The following FOCAD variants were observed in gnomAD, a reference collection of about 807,000 sequenced individuals.
The protein encoded by FOCAD is focadhesin.
A neutral mutation model predicts 225.6 loss-of-function variants in FOCAD; 198 were observed. The ratio of observed to expected loss-of-function variants is 0.88; its 90% CI spans 0.78 to 0.99. The LOEUF (loss-of-function observed/expected upper bound fraction) is 0.99. FOCAD is among the 50% of genes least tolerant of loss of function. FOCAD has a pLI of 0.00. For synonymous variants in FOCAD, 897 were observed against 755.0 expected, an observed-to-expected ratio of 1.19 and a Z score of -3.08; for missense variants, 2,713 against 2,123.6, an observed-to-expected ratio of 1.28 and a Z score of -5.46.
intron 22 of FOCAD, among the ~76,000 whole-genome samples, chr9:20,908,996 C>G (rs1334487875): frequency 6.6e-6 from 1 of 151,982 alleles, no homozygotes; most frequent in Non-Finnish European, 1.5e-5. Context: ...AAAGGATGTT[C>G]AAAATGCTAT....
intron 21 of FOCAD, among the ~76,000 whole-genome samples, chr9:20,900,205 A>G (rs1587548446): frequency 6.6e-6 from 1 of 151,898 alleles, no homozygotes; most frequent in African/African-American, 2.4e-5. Flanking sequence ...TTCTCCCTGG[A>G]TGAGAATGGC....
At chr9:20,679,319 TG>T (rs1822330404), upstream of FOCAD, among the ~76,000 whole-genome samples, 1 of 152,184 alleles carries the variant, frequency 6.6e-6, no homozygotes, top group Non-Finnish European at 1.5e-5. Flanking sequence ...CTTTCTGTGA[TG>T]TGCTGACACT....
chr9:20,690,906 A>ATTTTT (rs34441239), intron 1 of FOCAD, among the ~76,000 whole-genome samples: 1 of 141,280 alleles, frequency 7.1e-6, no homozygotes, highest in Non-Finnish European at 1.5e-5. Context: ...ACCTGTCAGC[A>ATTTTT]TTTTTTTTTT....
chr9:20,703,269 G>A (rs916569547), intron 1 of FOCAD, among the ~76,000 whole-genome samples: 19 of 152,130 alleles, frequency 1.2e-4, no homozygotes, highest in African/African-American at 4.3e-4. Context: ...CAAGTCAAGA[G>A]CACTTGAGGC....
chr9:20,656,812 C>T (rs1821494654), upstream of FOCAD, among the ~76,000 whole-genome samples: 1 of 152,100 alleles, frequency 6.6e-6, no homozygotes, highest in Non-Finnish European at 1.5e-5. Flanking sequence ...GAATTTGATC[C>T]TGTCATTATG....
chr9:20,817,043 T>G (rs1248024504), intron 11 of FOCAD, among the ~76,000 whole-genome samples: 2 of 152,148 alleles, frequency 1.3e-5, no homozygotes, highest in Non-Finnish European at 2.9e-5. Context: ...CTGGAACCAG[T>G]CCCTGTAGAT....
intron 15 of FOCAD, among the ~76,000 whole-genome samples, chr9:20,844,729 G>A (rs1440411974): frequency 6.6e-6 from 1 of 152,048 alleles, no homozygotes; most frequent in Non-Finnish European, 1.5e-5. Flanking sequence ...AGAGATCGAA[G>A]TCACTTTGGG....
intron 35 of FOCAD, chr9:20,957,473 C>CTTTTTTTTTTTTTTTTTTTTT (rs1434022347): frequency 2.0e-5 from 1 of 49,460 alleles, no homozygotes; most frequent in Admixed American, 2.1e-4. Context: ...AACATCTTTT[C>CTTTTTTTTTTTTTTTTTTTTT]TTTTCTTTTT....
chr9:20,659,440 A>AAGAAAGAAAGAC (rs71334544), intron 2 of FOCAD, among the ~76,000 whole-genome samples: 269 of 145,166 alleles, frequency 1.9e-3, no homozygotes, highest in African/African-American at 5.9e-3. Flanking sequence ...GAAAGAAAGA[A>AAGAAAGAAAGAC]AGACAGACAG....
chr9:20,814,750 AAGTTAC>A (rs1165750044), intron 11 of FOCAD, among the ~76,000 whole-genome samples: 2 of 152,096 alleles, frequency 1.3e-5, no homozygotes, highest in African/African-American at 4.8e-5. Flanking sequence ...AGCTGATAAC[AAGTTAC>A]ATAAACTTCA....
intron 10 of FOCAD, among the ~76,000 whole-genome samples, chr9:20,786,087 G>A (rs1210478015): frequency 6.6e-6 from 1 of 152,190 alleles, no homozygotes; most frequent in African/African-American, 2.4e-5. Context: ...GTGAAGGGTA[G>A]AGTTGGAATT....
chr9:20,764,194 T>G (rs7026167), intron 6 of FOCAD, among the ~76,000 whole-genome samples: 146,694 of 152,220 alleles, frequency 0.96, 70,721 homozygotes, highest in East Asian at 1. Flanking sequence ...TTCCAAAAAT[T>G]CATGTTTGTG....
intron 18 of FOCAD, among the ~76,000 whole-genome samples, chr9:20,870,196 T>G (rs1357861535): frequency 6.6e-6 from 1 of 152,194 alleles, no homozygotes; most frequent in Non-Finnish European, 1.5e-5. Flanking sequence ...AGAAATAATA[T>G]AAAAGAACTG....
intron 5 of FOCAD, among the ~76,000 whole-genome samples, chr9:20,756,208 G>C (rs1013925557): frequency 1.3e-5 from 2 of 152,136 alleles, no homozygotes; most frequent in Non-Finnish European, 2.9e-5. Flanking sequence ...AGCAATGGTA[G>C]CATTCCCGTC....
chr9:20,899,948 C>A (rs1396413302), intron 21 of FOCAD, among the ~76,000 whole-genome samples: 3 of 151,908 alleles, frequency 2.0e-5, no homozygotes, highest in Non-Finnish European at 4.4e-5. Flanking sequence ...GCCTCTCTCT[C>A]TGCTCCTCTG....
chr9:20,821,456 A>T (rs1405169524), intron 14 of FOCAD, among the ~76,000 whole-genome samples: 1 of 152,104 alleles, frequency 6.6e-6, no homozygotes, highest in Non-Finnish European at 1.5e-5. Context: ...GGAGATAAGT[A>T]GTTTTAATGG....
intron 15 of FOCAD, among the ~76,000 whole-genome samples, chr9:20,855,075 G>T (rs1828031830): frequency 6.6e-6 from 1 of 151,646 alleles, no homozygotes. Flanking sequence ...ATATCTGGAA[G>T]AATGCAAGCA....
At chr9:20,952,879 A>T in intron 34 of FOCAD, 106 bp from the exon 35 acceptor site, 1 of 840,010 alleles carries the variant, frequency 1.2e-6, no homozygotes, top group Non-Finnish European at 2.0e-6. Flanking sequence ...TGGCATAAAC[A>T]TCTCCACTTT....
intron 1 of FOCAD, among the ~76,000 whole-genome samples, chr9:20,710,229 A>ATTTTTTTTTTTTTTTTTTTTTTTTTTTT (rs749860355): frequency 9.8e-6 from 1 of 102,290 alleles, no homozygotes; most frequent in Non-Finnish European, 1.9e-5. Context: ...AGTAGCTGAG[A>ATTTTTTTTTTTTTTTTTTTTTTTTTTTT]TTTTTTTTTT....
Sources: gnomAD v4.1 joint callset for allele counts (sites outside exome capture counted in the v4.1 genomes callset) on GRCh38, gnomAD v4.1.1 for gene constraint, MANE v1.5 for transcripts, NCBI Gene and HGNC (gene_info 2026-07-23, HGNC 2026-07-21) for gene names.